KLRC3: variants seen among roughly 807,000 people sequenced by gnomAD.
KLRC3 encodes killer cell lectin like receptor C3.
KLRC3 carries 16 observed loss-of-function variants against 23.6 expected under a neutral mutation model. The observed-to-expected ratio is 0.68, with a 90% CI of 0.46 to 1.03. The LOEUF is 1.03. KLRC3 is among the 50% of genes least tolerant of loss of function. The pLI is 0.00. For missense variants in KLRC3, 209 were observed against 232.2 expected, an observed-to-expected ratio of 0.90 and a Z score of 0.65; for synonymous variants, 70 against 71.8, an observed-to-expected ratio of 0.98 and a Z score of 0.13.
chr12:10,414,299 G>A (rs1863610089), intron 6 of KLRC3, among the ~76,000 whole-genome samples: 1 of 151,312 alleles, frequency 6.6e-6, no homozygotes, highest in African/African-American at 2.4e-5. Flanking sequence ...AAATAAAAAT[G>A]TTACAATTGA....
At chr12:10,418,695 T>C (rs1300863178) in intron 3 of KLRC3, among the ~76,000 whole-genome samples, 197 bp from the exon 4 acceptor site, 1 of 152,158 alleles carries the variant, frequency 6.6e-6, no homozygotes, top group African/African-American at 2.4e-5. Context: ...TCTCCCCTAA[T>C]TGTGTTCCCA....
rs1395005648 is a variant in KLRC3, at chr12:10,412,391, T to G, written c.*181A>C. 5.1e-6 allele frequency: 3 copies of G among 590,246 alleles called. No homozygotes were observed. In the African/African-American group the frequency reaches 5.7e-5, roughly 11 times the overall value. 36.6% of individuals were successfully genotyped at this position (590,246 alleles called of 1,614,324 possible). A position where few individuals can be genotyped will look rare whatever the true frequency, so the allele number is the denominator to read the frequency against. On this transcript the variant is annotated 3_prime_UTR_variant, in exon 7 of 7. Coordinates refer to ENST00000396439, the MANE Select transcript of KLRC3 (RefSeq NM_002261.3). ...ATATTTGTTGTAAATGACTAATGCT[T>G]AAATCAAACTATATAGAGAGGGAAA...
intron 4 of KLRC3, among the ~76,000 whole-genome samples, chr12:10,417,082 C>CTA (rs1466042741): frequency 2.0e-5 from 3 of 151,800 alleles, no homozygotes; most frequent in Admixed American, 6.5e-5. Flanking sequence ...TATTTTTGTG[C>CTA]TATATTTCTC....
At position 10,412,647 on chromosome 12, in the gene KLRC3, G is replaced by A. The variant is rs1334082960; in HGVS notation, c.679-31C>T. The A allele has an allele frequency of 8.6e-6, 6 of 697,624 alleles. No homozygotes were observed. In the East Asian group the frequency reaches 1.6e-4, roughly 19 times the overall value. 43.2% of individuals were successfully genotyped at this position (697,624 alleles called of 1,614,324 possible). On this transcript the variant is annotated intron_variant, in intron 6 of 6. Transcript: ENST00000396439. ...AAAAAATACGAAAATTAGCCAGCAT[G>A]ATGGTATTGGCCTGTAGCCAGCTAC...
rs1174843945 is a variant in KLRC3 at position 10,413,725 on chromosome 12, C to A, written c.679-1109G>T. ...AGATGTGCCATGTTGGTGTGCTGCACCCATCAACTCATCATTTACATTAGG... is the reference window on the plus strand; with the variant it reads ...AGATGTGCCATGTTGGTGTGCTGCAACCATCAACTCATCATTTACATTAGG... On this transcript the variant is annotated intron_variant, in intron 6 of 6. Transcript: ENST00000396439. Among the ~76,000 whole-genome samples, 4 of 152,100 alleles carry A rather than the reference C, an allele frequency of 2.6e-5. No individual in the cohort carries two copies. In the East Asian group the frequency reaches 5.8e-4, roughly 22 times the overall value.
At chr12:10,420,329 GAAC>G (rs1591602261) in intron 1 of KLRC3, 32 bp downstream of exon 1, 2 of 1,598,284 alleles carry the variant, frequency 1.3e-6, no homozygotes, top group East Asian at 4.5e-5. Flanking sequence ...GCACATCCCA[GAAC>G]AATAACATTG....
chr12:10,418,542 A>G (rs754870285), intron 3 of KLRC3, 44 bp from the exon 4 acceptor site: 1 of 1,508,636 alleles, frequency 6.6e-7, no homozygotes, highest in South Asian at 1.2e-5. Context: ...ATGAATTTTT[A>G]AAAATGAAAA....
chr12:10,415,206 A>G (rs1863623356), intron 6 of KLRC3, among the ~76,000 whole-genome samples: 1 of 152,196 alleles, frequency 6.6e-6, no homozygotes, highest in African/African-American at 2.4e-5. Context: ...TGCACATAGC[A>G]TAAATTTCAT....
intron 3 of KLRC3, 113 bp from the exon 4 acceptor site, chr12:10,418,611 T>C: frequency 1.6e-6 from 2 of 1,216,132 alleles, no homozygotes; most frequent in South Asian, 1.5e-5. Flanking sequence ...TTATGCATCC[T>C]TACAGGCTTA....
At chr12:10,417,158 G>T (rs1229289472) in intron 4 of KLRC3, among the ~76,000 whole-genome samples, 1 of 151,668 alleles carries the variant, frequency 6.6e-6, no homozygotes, top group Admixed American at 6.6e-5. Flanking sequence ...GGAAGCTACA[G>T]ATTGGGTTTC....
rs200006578 is a variant in KLRC3, at chr12:10,415,678, G to A, written c.678+26C>T. 14 of 1,612,878 alleles carry A rather than the reference G, an allele frequency of 8.7e-6. No individual in the cohort carries two copies. The highest frequency in any genetic ancestry group is 3.3e-5 in the South Asian group (3 of 90,916). On this transcript the variant is annotated intron_variant, in intron 6 of 6. Coordinates refer to ENST00000396439, the MANE Select transcript of KLRC3 (RefSeq NM_002261.3). ...TATCTGATGCACTGCAAGCTCAAGC[G>A]CTTTAATTCTAAAGCTTATGCTCAC...
At chr12:10,417,560 C>G (rs1212180286) in intron 4 of KLRC3, among the ~76,000 whole-genome samples, 3 of 152,158 alleles carry the variant, frequency 2.0e-5, no homozygotes, top group Non-Finnish European at 4.4e-5. Context: ...GATGATCTAC[C>G]AGGAGACCTG....
chr12:10,418,247 A>G (rs34070657), intron 4 of KLRC3, 97 bp downstream of exon 4: 3 of 1,182,452 alleles, frequency 2.5e-6, no homozygotes, highest in Non-Finnish European at 3.6e-6. Flanking sequence ...GAAAATATAT[A>G]AGCTAAATAT....
intron 3 of KLRC3, 55 bp from the exon 4 acceptor site, chr12:10,418,553 T>G: frequency 6.7e-7 from 1 of 1,491,180 alleles, no homozygotes; most frequent in Non-Finnish European, 9.2e-7. Flanking sequence ...AAAATGAAAA[T>G]TAGTTCACAT....
intron 6 of KLRC3, among the ~76,000 whole-genome samples, chr12:10,415,031 A>G (rs1036654467): frequency 3.9e-5 from 6 of 152,196 alleles, no homozygotes; most frequent in Non-Finnish European, 8.8e-5. Flanking sequence ...GAGAAATTAA[A>G]GAAAACCCCA....
intron 6 of KLRC3, among the ~76,000 whole-genome samples, chr12:10,414,188 G>A (rs1349275422): frequency 6.6e-6 from 1 of 151,958 alleles, no homozygotes; most frequent in East Asian, 1.9e-4. Flanking sequence ...TGATCAGCAT[G>A]GATTTGTTTC....
intron 3 of KLRC3, 113 bp from the exon 4 acceptor site, chr12:10,418,611 T>G: frequency 8.2e-7 from 1 of 1,216,134 alleles, no homozygotes; most frequent in Non-Finnish European, 1.2e-6. Flanking sequence ...TTATGCATCC[T>G]TACAGGCTTA....
intron 3 of KLRC3, 99 bp from the exon 4 acceptor site, chr12:10,418,597 A>G: frequency 6.2e-6 from 8 of 1,284,212 alleles, no homozygotes; most frequent in Non-Finnish European, 8.7e-6. Context: ...TGTGCTTAAC[A>G]TATTTATGCA....
In KLRC3 at chr12:10,420,381, T is replaced by C. The variant is rs749592158; in HGVS notation, c.170A>G (p.Lys57Arg). The C allele has an allele frequency of 6.2e-6, 10 of 1,613,604 alleles. No homozygotes were observed. Among genetic ancestry groups the C allele is most frequent in the Non-Finnish European group, 8.5e-6 (10 of 1,179,620 alleles). ...NASLNHQGID[K>R]IYDCQGLLPP... ...TGTTTTACCTTGGCAGTCATATATT[T>C]TATCAATCCCTTGATGATTCAGAGA... Residue 57 changes from lysine to arginine, a missense_variant, in exon 1 of 7, where the codon AAA becomes AGA. Transcript: ENST00000396439.
Sources: gnomAD v4.1 joint callset for allele counts (sites outside exome capture counted in the v4.1 genomes callset) on GRCh38, gnomAD v4.1.1 for gene constraint, MANE v1.5 for transcripts, NCBI Gene and HGNC (gene_info 2026-07-23, HGNC 2026-07-21) for gene names.